The following PIK3C2B variants were observed in gnomAD, a reference collection of about 807,000 sequenced individuals.
PIK3C2B encodes the protein phosphatidylinositol-4-phosphate 3-kinase catalytic subunit type 2 beta, also known as phosphatidylinositol 4-phosphate 3-kinase C2 domain-containing subunit beta.
In PIK3C2B, 83 loss-of-function variants were observed where a neutral mutation model predicts 184.3. That is an observed-to-expected ratio of 0.45 (90% CI 0.38 to 0.54). PIK3C2B has a LOEUF of 0.54. Ranked by LOEUF, PIK3C2B falls within the 20% of genes least tolerant of loss-of-function variation. PIK3C2B has a pLI of 0.00. For synonymous variants in PIK3C2B, 779 were observed against 837.6 expected (o/e 0.93, Z 1.21); for missense variants, 1,736 against 2,113.5 (o/e 0.82, Z 3.50).
intron 1 of PIK3C2B, among the ~76,000 whole-genome samples, chr1:204,477,503 C>G (rs1438457500): frequency 2.6e-5 from 4 of 152,166 alleles, no homozygotes; most frequent in Non-Finnish European, 5.9e-5. Context: ...TGGCTGAGGG[C>G]TAGCCGGGGA....
chr1:204,434,742 T>C, intron 23 of PIK3C2B, 134 bp from the exon 24 acceptor site: 1 of 627,800 alleles, frequency 1.6e-6, no homozygotes, highest in Non-Finnish European at 2.8e-6. Context: ...GTCTCACATC[T>C]GCCTGTTCAT....
chr1:204,493,981 CTTT>C (rs770002894), intron 1 of PIK3C2B, among the ~76,000 whole-genome samples: 19 of 152,198 alleles, frequency 1.2e-4, no homozygotes, highest in Non-Finnish European at 2.6e-4. Context: ...ACAGGTTTTG[CTTT>C]TTTTATTTCT....
At chr1:204,466,658 G>C (rs771339154) in intron 2 of PIK3C2B, 44 of 388,444 alleles carry the variant, frequency 1.1e-4, no homozygotes, top group Non-Finnish European at 2.1e-4. Context: ...GAGAGACAGT[G>C]GGGGGAGGGA....
intron 28 of PIK3C2B, among the ~76,000 whole-genome samples, chr1:204,430,507 A>G (rs568813441): frequency 6.6e-6 from 1 of 151,160 alleles, no homozygotes; most frequent in East Asian, 1.9e-4. Context: ...CACCGCACCC[A>G]GCTAATTTTT....
At chr1:204,458,458 T>C (rs529491224) in intron 8 of PIK3C2B, among the ~76,000 whole-genome samples, 17 of 152,090 alleles carry the variant, frequency 1.1e-4, no homozygotes, top group African/African-American at 4.1e-4. Context: ...ATTCAATTTT[T>C]CTAACAAGAA....
At chr1:204,483,146 G>T (rs1273909539) in intron 1 of PIK3C2B, among the ~76,000 whole-genome samples, 5 of 152,076 alleles carry the variant, frequency 3.3e-5, no homozygotes, top group African/African-American at 1.2e-4. Flanking sequence ...GAAAGGCCAG[G>T]CACAGTGGCT....
intron 1 of PIK3C2B, among the ~76,000 whole-genome samples, chr1:204,477,198 A>C (rs1656776183): frequency 6.6e-6 from 1 of 152,202 alleles, no homozygotes; most frequent in South Asian, 2.1e-4. Flanking sequence ...TCATCTGCGA[A>C]GCTTTAAAAA....
rs61731184 is a variant in PIK3C2B, at chr1:204,469,027, C to T, written c.776G>A (p.Gly259Asp). ...TTTGCTGAAGTCCAGCGGCCCTCGG[C>T]CCTCCTTCCAGCCCCTGGTGGCATC... ...LRDATRGWKE[G>D]RGPLDFSKDT... Residue 259 changes from glycine (G) to aspartate (D), a missense_variant, in exon 2 of 33, where the codon GGC becomes GAC. Transcript: ENST00000684373. 6.2e-7 allele frequency: 1 copy of T among 1,614,206 alleles called. No individual in the cohort carries two copies. Among genetic ancestry groups the T allele is most frequent in the Non-Finnish European group, 8.5e-7 (1 of 1,180,042 alleles).
At chr1:204,454,186 A>G (rs1235882684) in intron 12 of PIK3C2B, among the ~76,000 whole-genome samples, 1 of 151,896 alleles carries the variant, frequency 6.6e-6, no homozygotes, top group Non-Finnish European at 1.5e-5. Flanking sequence ...CTCCTTTAAG[A>G]GTCAGGGAAG....
chr1:204,444,953 T>G (rs1286427815), intron 16 of PIK3C2B, among the ~76,000 whole-genome samples: 1 of 152,184 alleles, frequency 6.6e-6, no homozygotes, highest in Non-Finnish European at 1.5e-5. Flanking sequence ...GATAGGTACA[T>G]TTTGATTACT....
intron 29 of PIK3C2B, among the ~76,000 whole-genome samples, chr1:204,429,648 C>G (rs1227612872): frequency 6.6e-6 from 1 of 152,204 alleles, no homozygotes; most frequent in Non-Finnish European, 1.5e-5. Flanking sequence ...GAGGAGCCTT[C>G]CTTTCTGAGG....
chr1:204,468,850 A>G lies in PIK3C2B; in HGVS notation c.933+20T>C. Reference sequence around the variant, plus strand: ...GGACATGGAGAAAGGAAGGCAGAAGAAACACAAGAAGGTCCTCACCGGGGC... The same window carrying G: ...GGACATGGAGAAAGGAAGGCAGAAGGAACACAAGAAGGTCCTCACCGGGGC... On this transcript the variant is annotated intron_variant, in intron 2 of 32. Transcript: ENST00000684373. 1 of 1,548,238 alleles carries G rather than the reference A, an allele frequency of 6.5e-7. No individual in the cohort carries two copies. Among genetic ancestry groups the G allele is most frequent in the Non-Finnish European group, 8.7e-7 (1 of 1,146,768 alleles).
chr1:204,450,706 C>T (rs1232370894), intron 12 of PIK3C2B, among the ~76,000 whole-genome samples: 1 of 152,216 alleles, frequency 6.6e-6, no homozygotes, highest in Admixed American at 6.5e-5. Context: ...ATAAGCCCCA[C>T]CACTATTCAA....
chr1:204,465,737 G>A (rs1040534971), intron 2 of PIK3C2B, among the ~76,000 whole-genome samples: 12 of 152,200 alleles, frequency 7.9e-5, no homozygotes, highest in African/African-American at 2.9e-4. Context: ...GCAGGTGGGC[G>A]GCCCAAATGG....
At position 204,449,902 on chromosome 1, in the gene PIK3C2B, G is replaced by T; in HGVS notation, c.2182C>A (p.Arg728=). Residue 728 remains arginine, a synonymous_variant, in exon 13 of 33, where the codon CGG becomes AGG. Coordinates refer to ENST00000684373, the MANE Select transcript of PIK3C2B (RefSeq NM_001377334.1). The stretch of plus-strand genomic sequence containing the variant: ...ACCCAGCCCAGGGCTTCAGGCACCC[G>T]CCGCTGCTTATTGGCCTCTGAGGAG... The part of the protein sequence containing the change: ...GSSSEANKQR[R]VPEALGWVTT... 3 of 1,613,862 alleles carry T rather than the reference G, an allele frequency of 1.9e-6. No individual in the cohort carries two copies. Among genetic ancestry groups the T allele is most frequent in the South Asian group, 2.2e-5 (2 of 90,986 alleles).
intron 2 of PIK3C2B, chr1:204,466,768 TAC>T (rs763344981): frequency 1.0e-5 from 5 of 493,996 alleles, no homozygotes; most frequent in African/African-American, 9.9e-5. Flanking sequence ...AAAAGCCACT[TAC>T]GTTTGCCCAG....
intron 2 of PIK3C2B, 97 bp downstream of exon 2, chr1:204,468,773 G>T: frequency 8.8e-7 from 1 of 1,133,162 alleles, no homozygotes; most frequent in South Asian, 1.6e-5. Context: ...AAAGGGGTAA[G>T]GACTTGGCAG....
intron 28 of PIK3C2B, chr1:204,431,461 G>A (rs1675050196): frequency 1.7e-6 from 1 of 598,834 alleles, no homozygotes; most frequent in South Asian, 2.1e-5. Flanking sequence ...TCTGGCCAGT[G>A]GGCCTGGAGT....
chr1:204,456,282 T>G, intron 10 of PIK3C2B: 1 of 394,284 alleles, frequency 2.5e-6, no homozygotes, highest in Non-Finnish European at 4.5e-6. Context: ...ATAATCCTTA[T>G]TTTTACGTAT....
Sources: gnomAD v4.1 joint callset for allele counts (sites outside exome capture counted in the v4.1 genomes callset) on GRCh38, gnomAD v4.1.1 for gene constraint, MANE v1.5 for transcripts, NCBI Gene and HGNC (gene_info 2026-07-23, HGNC 2026-07-21) for gene names.